PRICKLE1: variants seen among roughly 807,000 people sequenced by gnomAD.
PRICKLE1 encodes the protein prickle-like protein 1.
A neutral mutation model predicts 70.2 loss-of-function variants in PRICKLE1; 14 were observed. That is an observed-to-expected ratio of 0.20 (90% CI 0.13 to 0.31). PRICKLE1 has a LOEUF of 0.31. Ranked by LOEUF, PRICKLE1 falls within the 10% of genes least tolerant of loss-of-function variation. The probability of loss-of-function intolerance (pLI) is 1.00; values close to 1 mark genes in which losing one functional copy is unlikely to be tolerated. For synonymous variants in PRICKLE1, 357 were observed against 379.9 expected (o/e 0.94, Z 0.70); for missense variants, 821 against 1,026.2 (o/e 0.80, Z 2.73).
intron 1 of PRICKLE1, among the ~76,000 whole-genome samples, chr12:42,545,386 C>T (rs974395414): frequency 6.6e-6 from 1 of 152,220 alleles, no homozygotes; most frequent in African/African-American, 2.4e-5. Context: ...ATGAATGACA[C>T]ACATATCCAA....
intron 1 of PRICKLE1, among the ~76,000 whole-genome samples, chr12:42,553,545 G>T (rs887449421): frequency 6.6e-6 from 1 of 150,438 alleles, no homozygotes; most frequent in Non-Finnish European, 1.5e-5. Context: ...GGCGGGGGGG[G>T]TCTGAGTGTC....
At chr12:42,522,974 T>G (rs954117163) in intron 1 of PRICKLE1, among the ~76,000 whole-genome samples, 1 of 151,700 alleles carries the variant, frequency 6.6e-6, no homozygotes, top group Non-Finnish European at 1.5e-5. Context: ...TTTTTTTTTT[T>G]TTTTTGAGAT....
intron 1 of PRICKLE1, among the ~76,000 whole-genome samples, chr12:42,502,371 G>A (rs1939331001): frequency 6.6e-6 from 1 of 150,960 alleles, no homozygotes; most frequent in Non-Finnish European, 1.5e-5. Flanking sequence ...GCAGTGGCAC[G>A]ATCAAAGCTC....
At chr12:42,493,448 A>G (rs1157939540) in intron 1 of PRICKLE1, among the ~76,000 whole-genome samples, 1 of 152,224 alleles carries the variant, frequency 6.6e-6, no homozygotes, top group Non-Finnish European at 1.5e-5. Flanking sequence ...TAACCAGAAA[A>G]AAAAGATCTG....
At chr12:42,479,053 A>C (rs1466938601) in intron 1 of PRICKLE1, among the ~76,000 whole-genome samples, 1 of 152,240 alleles carries the variant, frequency 6.6e-6, no homozygotes, top group East Asian at 1.9e-4. Flanking sequence ...GATTTTAAAA[A>C]ATAGCCACTA....
At chr12:42,472,300 G>T in intron 2 of PRICKLE1, 85 bp downstream of exon 2, 2 of 1,450,950 alleles carry the variant, frequency 1.4e-6, no homozygotes, top group Non-Finnish European at 1.9e-6. Context: ...TCTCAGTGAT[G>T]TTCTATCCAT....
intron 1 of PRICKLE1, among the ~76,000 whole-genome samples, chr12:42,501,424 C>T (rs1046250007): frequency 2.7e-5 from 4 of 145,506 alleles, no homozygotes; most frequent in Non-Finnish European, 6.0e-5. Context: ...GTAGGAGAAT[C>T]GCTTGAACCC....
At chr12:42,561,500 A>C (rs1940512174) in intron 1 of PRICKLE1, among the ~76,000 whole-genome samples, 1 of 152,198 alleles carries the variant, frequency 6.6e-6, no homozygotes, top group South Asian at 2.1e-4. Flanking sequence ...ATGTGTTTTC[A>C]AATGTGTTAT....
chr12:42,559,582 G>A (rs977223679), intron 1 of PRICKLE1, among the ~76,000 whole-genome samples: 2 of 139,986 alleles, frequency 1.4e-5, no homozygotes, highest in Admixed American at 1.7e-4. Flanking sequence ...ATATATGTGT[G>A]TGTTTATGTG....
chr12:42,551,352 G>A (rs1290340392), intron 1 of PRICKLE1, among the ~76,000 whole-genome samples: 1 of 152,182 alleles, frequency 6.6e-6, no homozygotes, highest in East Asian at 1.9e-4. Context: ...CCTGTGTGTA[G>A]CAGAGTTATT....
intron 1 of PRICKLE1, among the ~76,000 whole-genome samples, chr12:42,504,044 A>G (rs1566105082): frequency 6.6e-6 from 1 of 152,204 alleles, no homozygotes; most frequent in Non-Finnish European, 1.5e-5. Context: ...TGTGGATTTT[A>G]GAAGTTCTAA....
At chr12:42,549,048 G>A (rs1940260437) in intron 1 of PRICKLE1, among the ~76,000 whole-genome samples, 1 of 150,530 alleles carries the variant, frequency 6.6e-6, no homozygotes, top group South Asian at 2.1e-4. Flanking sequence ...GAACCTGGGA[G>A]GCAGAGGTTG....
chr12:42,467,831 T>C (rs1179380526), intron 5 of PRICKLE1, among the ~76,000 whole-genome samples: 1 of 152,100 alleles, frequency 6.6e-6, no homozygotes, highest in East Asian at 1.9e-4. Context: ...AATGAATGTA[T>C]AAAAATAAAA....
intron 7 of PRICKLE1, 61 bp from the exon 8 acceptor site, chr12:42,460,726 A>G: frequency 1.3e-6 from 2 of 1,569,710 alleles, no homozygotes; most frequent in Non-Finnish European, 1.7e-6. Context: ...ACAGTACTTA[A>G]AAGTAAGCTA....
intron 1 of PRICKLE1, among the ~76,000 whole-genome samples, chr12:42,564,321 T>C (rs570816634): frequency 6.6e-6 from 1 of 151,188 alleles, no homozygotes; most frequent in African/African-American, 2.4e-5. Flanking sequence ...TTGAAATCTT[T>C]CTTGGCCGGG....
At chr12:42,485,500 G>A (rs1304014892) in intron 1 of PRICKLE1, 2 of 152,092 alleles carry the variant, frequency 1.3e-5, no homozygotes, top group Non-Finnish European at 2.9e-5. Flanking sequence ...TTCCTCTGTG[G>A]ATCTGTAAAA....
rs770028506 is a variant in PRICKLE1, at chr12:42,468,745, C to T, written c.469G>A (p.Val157Ile). Reference protein sequence around the residue: ...PGVCWHPSCFVCFTCNELLVD... With the variant: ...PGVCWHPSCFICFTCNELLVD... Reference sequence around the variant, plus strand: ...AGCAGCTCATTACACGTGAAACAGACAAAACAGGATGGGTGCCAGCACACA... The same window carrying T: ...AGCAGCTCATTACACGTGAAACAGATAAAACAGGATGGGTGCCAGCACACA... The change falls in exon 5 of 8, where the codon GTC (valine) becomes ATC (isoleucine). Residue 157 changes from valine to isoleucine, a missense_variant. By Grantham distance (29) the Val-to-Ile change is conservative. Transcript: ENST00000345127. The T allele has an allele frequency of 5.6e-6, 9 of 1,613,984 alleles. No individual in the cohort carries two copies. Among genetic ancestry groups the T allele is most frequent in the African/African-American group, 5.3e-5 (4 of 74,882 alleles).
chr12:42,520,259 G>A (rs58858778), intron 1 of PRICKLE1, among the ~76,000 whole-genome samples: 5,478 of 152,212 alleles, frequency 0.036, 212 homozygotes, highest in East Asian at 0.12. Context: ...TACACACTGC[G>A]ACTAAATTTC....
intron 1 of PRICKLE1, among the ~76,000 whole-genome samples, chr12:42,548,224 A>G (rs1049521098): frequency 6.6e-6 from 1 of 152,042 alleles, no homozygotes; most frequent in Non-Finnish European, 1.5e-5. Flanking sequence ...CTTGAGGTCA[A>G]CCAGTTACTT....
Sources: allele counts gnomAD v4.1 joint callset (sites outside exome capture counted in the v4.1 genomes callset), GRCh38; gene constraint gnomAD v4.1.1; transcripts MANE v1.5; gene names NCBI Gene and HGNC (gene_info 2026-07-23, HGNC 2026-07-21).